The following SEMA5A variants were observed in gnomAD, a reference collection of about 807,000 sequenced individuals.
The protein encoded by SEMA5A is semaphorin 5A.
In SEMA5A, 55 loss-of-function variants were observed where a neutral mutation model predicts 135.5. The observed-to-expected ratio is 0.41, with a 90% CI of 0.33 to 0.51. The LOEUF (loss-of-function observed/expected upper bound fraction) is 0.51. Ranked by LOEUF, SEMA5A falls within the 20% of genes least tolerant of loss-of-function variation. The pLI, the probability that SEMA5A is intolerant of heterozygous loss-of-function variation, is 0.37. For missense variants in SEMA5A, 1,290 were observed against 1,419.9 expected (o/e 0.91, Z 1.47); for synonymous variants, 580 against 546.5 (o/e 1.06, Z -0.85).
chr5:9,173,286 T>TC (rs1442805639), intron 11 of SEMA5A, among the ~76,000 whole-genome samples: 2 of 151,396 alleles, frequency 1.3e-5, no homozygotes, highest in Admixed American at 6.6e-5. Flanking sequence ...CCGGTTTTTT[T>TC]TTTTTTTTTT....
chr5:9,530,103 T>A (rs1472793576), intron 1 of SEMA5A, among the ~76,000 whole-genome samples: 1 of 152,216 alleles, frequency 6.6e-6, no homozygotes. Context: ...TGGACATTTG[T>A]GCATAACTCT....
rs543397613 is a variant in SEMA5A at position 9,235,557 on chromosome 5, G to A, written c.333+2271C>T. ...CATCTTTAAACGCTCACCGTGGGCT[G>A]GGAGTGTTAAGATCGGACGAGGAAA... On this transcript the variant is annotated intron_variant, in intron 6 of 22. Coordinates refer to ENST00000382496, the MANE Select transcript of SEMA5A (RefSeq NM_003966.3). 3.3e-5 allele frequency among the ~76,000 whole-genome samples: 5 copies of A among 150,318 alleles called. No individual in the cohort carries two copies. The East Asian group carries it at 8.3e-4, about 25-fold the overall frequency.
At chr5:9,199,449 T>C (rs987052769) in intron 9 of SEMA5A, among the ~76,000 whole-genome samples, 2 of 152,174 alleles carry the variant, frequency 1.3e-5, no homozygotes, top group African/African-American at 4.8e-5. Flanking sequence ...TGGGATTGTC[T>C]ACAGGAAGTA....
chr5:9,103,353 C>T (rs1739730712), intron 16 of SEMA5A, among the ~76,000 whole-genome samples: 2 of 152,158 alleles, frequency 1.3e-5, no homozygotes, highest in Non-Finnish European at 2.9e-5. Context: ...CTTCCAATGG[C>T]CACGTTTCAT....
At chr5:9,056,283 T>C (rs935749293) in intron 18 of SEMA5A, among the ~76,000 whole-genome samples, 3 of 152,186 alleles carry the variant, frequency 2.0e-5, no homozygotes, top group African/African-American at 7.2e-5. Flanking sequence ...ATGTATCACC[T>C]CACACCTGCC....
At chr5:9,220,005 C>G (rs1047618650) in intron 8 of SEMA5A, among the ~76,000 whole-genome samples, 1 of 152,108 alleles carries the variant, frequency 6.6e-6, no homozygotes, top group African/African-American at 2.4e-5. Context: ...ACATATACAC[C>G]ATGGACTACT....
At chr5:9,429,949 A>C (rs1217081527) in intron 2 of SEMA5A, among the ~76,000 whole-genome samples, 1 of 152,212 alleles carries the variant, frequency 6.6e-6, no homozygotes, top group Non-Finnish European at 1.5e-5. Context: ...CACTGTGTGG[A>C]GAAAAGACCA....
chr5:9,090,600 C>A (rs1256241255), intron 16 of SEMA5A, among the ~76,000 whole-genome samples: 1 of 152,194 alleles, frequency 6.6e-6, no homozygotes, highest in Non-Finnish European at 1.5e-5. Context: ...AGACAGTTCT[C>A]CACTAATCTG....
At chr5:9,450,838 T>C (rs1758616244) in intron 1 of SEMA5A, among the ~76,000 whole-genome samples, 1 of 152,252 alleles carries the variant, frequency 6.6e-6, no homozygotes, top group Admixed American at 6.5e-5. Flanking sequence ...CATTCTGTGC[T>C]TGACTTCAAA....
intron 1 of SEMA5A, among the ~76,000 whole-genome samples, chr5:9,543,973 T>A (rs1738235691): frequency 6.6e-6 from 1 of 152,190 alleles, no homozygotes. Flanking sequence ...CTGCTTGAAC[T>A]GAAGTTGTGT....
intron 2 of SEMA5A, among the ~76,000 whole-genome samples, chr5:9,429,042 G>A (rs886197748): frequency 6.6e-6 from 1 of 152,242 alleles, no homozygotes; most frequent in African/African-American, 2.4e-5. Context: ...TTGCAGGGAT[G>A]TGCACAGGAG....
At chr5:9,225,877 G>A (rs936848419) in intron 7 of SEMA5A, among the ~76,000 whole-genome samples, 1 of 152,118 alleles carries the variant, frequency 6.6e-6, no homozygotes, top group Non-Finnish European at 1.5e-5. Context: ...AGAGGTATTG[G>A]AGCAGAAGGG....
chr5:9,307,414 G>A (rs1751921907), intron 5 of SEMA5A, among the ~76,000 whole-genome samples: 2 of 151,862 alleles, frequency 1.3e-5, no homozygotes. Context: ...GATGACAAAT[G>A]GCTTACATGT....
chr5:9,256,114 G>C (rs1403953634), intron 5 of SEMA5A, among the ~76,000 whole-genome samples: 1 of 152,124 alleles, frequency 6.6e-6, no homozygotes, highest in Non-Finnish European at 1.5e-5. Context: ...ATTTCCTAAT[G>C]GATGTCCTTC....
chr5:9,197,332 G>A, intron 9 of SEMA5A, 29 bp from the exon 10 acceptor site: 2 of 1,605,994 alleles, frequency 1.2e-6, no homozygotes, highest in Middle Eastern at 1.8e-4. Flanking sequence ...AGAGAAGGCA[G>A]TCAGAGAGCT....
chr5:9,509,402 G>A (rs957699899), intron 1 of SEMA5A, among the ~76,000 whole-genome samples: 41 of 152,122 alleles, frequency 2.7e-4, no homozygotes, highest in African/African-American at 9.6e-4. Flanking sequence ...AGCCTCCCGA[G>A]TAGCTGGGAT....
intron 5 of SEMA5A, among the ~76,000 whole-genome samples, chr5:9,308,142 T>C (rs1433193464): frequency 6.6e-6 from 1 of 152,132 alleles, no homozygotes; most frequent in East Asian, 1.9e-4. Flanking sequence ...TACCTAAAAG[T>C]ATTGAGTATT....
intron 12 of SEMA5A, among the ~76,000 whole-genome samples, chr5:9,145,639 A>C (rs1361192355): frequency 7.5e-6 from 1 of 133,496 alleles, no homozygotes; most frequent in Non-Finnish European, 1.6e-5. Context: ...TAAAGAAGAA[A>C]ACTTTTTTTT....
At chr5:9,385,325 A>T (rs1755841070) in intron 2 of SEMA5A, among the ~76,000 whole-genome samples, 1 of 152,254 alleles carries the variant, frequency 6.6e-6, no homozygotes, top group Non-Finnish European at 1.5e-5. Flanking sequence ...TTGCTGTCAG[A>T]TAAAAAAGAA....
Sources: allele counts gnomAD v4.1 joint callset (sites outside exome capture counted in the v4.1 genomes callset), GRCh38; gene constraint gnomAD v4.1.1; transcripts MANE v1.5; gene names NCBI Gene and HGNC (gene_info 2026-07-23, HGNC 2026-07-21).